The following NRXN3 variants were observed in gnomAD, a reference collection of about 807,000 sequenced individuals.
NRXN3 encodes neurexin III.
A neutral mutation model predicts 137.6 loss-of-function variants in NRXN3; 32 were observed. That is an observed-to-expected ratio of 0.23 (90% CI 0.18 to 0.31). The LOEUF is 0.31. Among genes scored for constraint, NRXN3 ranks in the 10% least tolerant of loss-of-function variants. NRXN3 has a pLI of 1.00. For missense variants in NRXN3, 1,574 were observed against 2,062.5 expected (o/e 0.76, Z 4.59); for synonymous variants, 798 against 784.5 (o/e 1.02, Z -0.29).
intron 15 of NRXN3, among the ~76,000 whole-genome samples, chr14:79,117,177 T>A (rs1390875367): frequency 6.6e-6 from 1 of 152,222 alleles, no homozygotes. Context: ...AGTCACATGA[T>A]TATGAAAAGG....
intron 15 of NRXN3, among the ~76,000 whole-genome samples, chr14:79,213,328 T>G (rs2067982792): frequency 6.6e-6 from 1 of 152,160 alleles, no homozygotes; most frequent in African/African-American, 2.4e-5. Flanking sequence ...ATACCCCAGA[T>G]TTCTCTTTGT....
At chr14:78,801,490 G>A (rs149900270) in intron 8 of NRXN3, among the ~76,000 whole-genome samples, 14 of 152,224 alleles carry the variant, frequency 9.2e-5, no homozygotes, top group Non-Finnish European at 1.6e-4. Flanking sequence ...TGTGAAGGGA[G>A]GAACTGTCAA....
intron 8 of NRXN3, among the ~76,000 whole-genome samples, chr14:78,755,341 A>T (rs1253971498): frequency 6.6e-6 from 1 of 151,994 alleles, no homozygotes; most frequent in Non-Finnish European, 1.5e-5. Flanking sequence ...GCATGCCTTT[A>T]ATGGATGCCA....
At chr14:79,627,328 A>G (rs950417951) in intron 16 of NRXN3, among the ~76,000 whole-genome samples, 1 of 152,164 alleles carries the variant, frequency 6.6e-6, no homozygotes, top group African/African-American at 2.4e-5. Flanking sequence ...AAACTTTACC[A>G]TAGACATCTT....
intron 15 of NRXN3, among the ~76,000 whole-genome samples, chr14:79,235,298 G>C (rs2073172240): frequency 6.6e-6 from 1 of 152,134 alleles, no homozygotes; most frequent in African/African-American, 2.4e-5. Context: ...ACTGGTTATA[G>C]GGTCAAGCAA....
chr14:78,838,352 A>T (rs190635333), intron 10 of NRXN3, among the ~76,000 whole-genome samples: 1,550 of 152,264 alleles, frequency 0.01, 92 homozygotes, highest in Admixed American at 0.088. Context: ...ATTTCTACAG[A>T]TTTTTTTATT....
intron 4 of NRXN3, among the ~76,000 whole-genome samples, chr14:78,320,776 A>T (rs1162096500): frequency 6.6e-6 from 1 of 152,072 alleles, no homozygotes; most frequent in East Asian, 1.9e-4. Flanking sequence ...TTCCCATTTC[A>T]CTGATGAGGA....
At chr14:79,209,676 G>A (rs1183670622) in intron 15 of NRXN3, among the ~76,000 whole-genome samples, 2 of 151,958 alleles carry the variant, frequency 1.3e-5, no homozygotes, top group Admixed American at 1.3e-4. Context: ...CCATTATAAC[G>A]TATGCTTCTG....
chr14:79,540,252 G>A (rs560367948), intron 16 of NRXN3, among the ~76,000 whole-genome samples: 3 of 84,878 alleles, frequency 3.5e-5, no homozygotes, highest in East Asian at 6.3e-4. Context: ...CATTTATTAT[G>A]TGCTGGGTAT....
At chr14:79,080,456 T>G (rs1595732704) in intron 15 of NRXN3, among the ~76,000 whole-genome samples, 1 of 152,144 alleles carries the variant, frequency 6.6e-6, no homozygotes, top group Non-Finnish European at 1.5e-5. Flanking sequence ...GAGTTAAAAT[T>G]TGTGGGAGAT....
At chr14:78,800,758 T>C (rs1263167941) in intron 8 of NRXN3, among the ~76,000 whole-genome samples, 1 of 152,204 alleles carries the variant, frequency 6.6e-6, no homozygotes, top group Non-Finnish European at 1.5e-5. Context: ...TCTGCCTGAC[T>C]CTTGTTTCTC....
At chr14:78,800,829 C>T (rs535001715) in intron 8 of NRXN3, among the ~76,000 whole-genome samples, 17 of 152,206 alleles carry the variant, frequency 1.1e-4, no homozygotes, top group South Asian at 8.3e-4. Flanking sequence ...TTCACTGTTA[C>T]GTCTATCACC....
At chr14:78,219,687 C>T (rs1230247080) in intron 1 of NRXN3, among the ~76,000 whole-genome samples, 1 of 152,202 alleles carries the variant, frequency 6.6e-6, no homozygotes, top group Non-Finnish European at 1.5e-5. Context: ...GTTATTTGTT[C>T]CTAGAATCTG....
chr14:79,685,310 A>AACT (rs1419030611), intron 17 of NRXN3, among the ~76,000 whole-genome samples: 1 of 152,182 alleles, frequency 6.6e-6, no homozygotes, highest in African/African-American at 2.4e-5. Context: ...ACTAAAACTT[A>AACT]AAATGCACTA....
intron 15 of NRXN3, among the ~76,000 whole-genome samples, chr14:79,063,764 T>C (rs537632448): frequency 6.6e-6 from 1 of 152,254 alleles, no homozygotes; most frequent in African/African-American, 2.4e-5. Context: ...GCAACCTCTT[T>C]ATGTTTGCTC....
chr14:78,726,732 T>C (rs1163181086), intron 8 of NRXN3, among the ~76,000 whole-genome samples: 1 of 152,004 alleles, frequency 6.6e-6, no homozygotes, highest in African/African-American at 2.4e-5. Context: ...TTGTCCAGGC[T>C]GGTCTCGAAC....
intron 1 of NRXN3, among the ~76,000 whole-genome samples, chr14:78,214,289 G>A (rs930238967): frequency 1.3e-5 from 2 of 152,174 alleles, no homozygotes; most frequent in African/African-American, 2.4e-5. Flanking sequence ...TTCCAGAAGA[G>A]TCTCTTTCCT....
intron 15 of NRXN3, among the ~76,000 whole-genome samples, chr14:79,002,804 AC>A (rs1328966500): frequency 1.3e-5 from 2 of 152,162 alleles, no homozygotes; most frequent in Non-Finnish European, 2.9e-5. Context: ...ACCGTCTTCC[AC>A]AATGGTTACA....
At chr14:79,613,467 C>T (rs1019346724) in intron 16 of NRXN3, among the ~76,000 whole-genome samples, 1 of 152,202 alleles carries the variant, frequency 6.6e-6, no homozygotes. Flanking sequence ...TCCAGCTCCT[C>T]AGACCCTGTC....
Sources: gnomAD v4.1 joint callset for allele counts (sites outside exome capture counted in the v4.1 genomes callset) on GRCh38, gnomAD v4.1.1 for gene constraint, MANE v1.5 for transcripts, NCBI Gene and HGNC (gene_info 2026-07-23, HGNC 2026-07-21) for gene names.